NDE1: variants seen among roughly 807,000 people sequenced by gnomAD.
NDE1 encodes the protein nudE neurodevelopment protein 1, also known as nuclear distribution protein nudE homolog 1.
NDE1 carries 28 observed loss-of-function variants against 43.4 expected under a neutral mutation model. The observed-to-expected ratio is 0.65, with a 90% CI of 0.48 to 0.89. The LOEUF (loss-of-function observed/expected upper bound fraction) is 0.89, where lower values mean the gene tolerates loss of function less well. Among genes scored for constraint, NDE1 ranks in the 40% least tolerant of loss-of-function variants. The pLI, the probability that NDE1 is intolerant of heterozygous loss-of-function variation, is 0.00. For missense variants in NDE1, 441 were observed against 434.1 expected, an observed-to-expected ratio of 1.02 and a Z score of -0.14; for synonymous variants, 184 against 172.0, an observed-to-expected ratio of 1.07 and a Z score of -0.55.
chr16:15,721,294 A>G (rs543523834), intron 8 of NDE1: 1 of 1,174,346 alleles, frequency 8.5e-7, no homozygotes, highest in South Asian at 1.3e-5. Context: ...CAGTCCAAAA[A>G]CCTCCTTCCA....
chr16:15,683,092 C>G (rs1344628076), intron 4 of NDE1, among the ~76,000 whole-genome samples: 1 of 152,006 alleles, frequency 6.6e-6, no homozygotes, highest in Non-Finnish European at 1.5e-5. Flanking sequence ...AACAATCTTC[C>G]CATCTCGGCT....
intron 8 of NDE1, chr16:15,719,161 AT>A: frequency 6.6e-7 from 1 of 1,511,202 alleles, no homozygotes; most frequent in Non-Finnish European, 9.2e-7. Flanking sequence ...GGGGTCGAGG[AT>A]GCTGCCTGTC....
intron 4 of NDE1, among the ~76,000 whole-genome samples, chr16:15,683,919 C>T (rs6498569): frequency 0.56 from 85,321 of 151,748 alleles, 24,323 homozygotes; most frequent in Middle Eastern, 0.67. Context: ...CACAACTACT[C>T]GGGAGGTTGA....
At chr16:15,643,601 C>T (rs1251428847) in exon 1 of NDE1, 3 of 291,110 alleles carry the variant, frequency 1.0e-5, no homozygotes, top group South Asian at 2.8e-5. Context: ...GGTCTCGTCA[C>T]GTGATGGTCC....
Position 15,687,362 on chromosome 16 carries a change from T to G in NDE1, c.387-13T>G. The G allele has an allele frequency of 2.5e-6, 4 of 1,614,130 alleles. No individual in the cohort carries two copies. Among genetic ancestry groups the G allele is most frequent in the Non-Finnish European group, 3.4e-6 (4 of 1,179,990 alleles). ...TTTGTCCTCTTGGATAACTCTGCTT[T>G]TCTCTTCGCCAGCGCCACGATCATG... On this transcript the variant is annotated splice_polypyrimidine_tract_variant and intron_variant, in intron 4 of 8. Transcript: ENST00000396354.
intron 7 of NDE1, 23 bp downstream of exon 7, chr16:15,694,279 T>C: frequency 6.2e-7 from 1 of 1,609,986 alleles, no homozygotes; most frequent in Non-Finnish European, 8.5e-7. Flanking sequence ...TTTCCTGGCG[T>C]TTGGTGCCTT....
chr16:15,698,863 GAA>G (rs113554590), intron 8 of NDE1, among the ~76,000 whole-genome samples: 1 of 139,334 alleles, frequency 7.2e-6, no homozygotes, highest in Non-Finnish European at 1.5e-5. Flanking sequence ...TCTTTCTCAA[GAA>G]AAAAAAAAAA....
chr16:15,679,696 G>T (rs1159090719), intron 4 of NDE1, among the ~76,000 whole-genome samples: 1 of 152,066 alleles, frequency 6.6e-6, no homozygotes, highest in South Asian at 2.1e-4. Context: ...TATACTCCAC[G>T]CATTCAATAA....
rs776616869 is a variant in NDE1, at chr16:15,664,825, A to C, written c.47A>C (p.Asn16Thr). Reference protein sequence around the residue: ...KTFSSEEEEANYWKDLAMTYK... With the variant: ...KTFSSEEEEATYWKDLAMTYK... The stretch of plus-strand genomic sequence containing the variant: ...TTCAGCTCCGAGGAGGAAGAAGCTA[A>C]CTATTGGAAAGATCTGGCGATGACC... Residue 16 changes from asparagine to threonine, a missense_variant, in exon 2 of 9, where the codon AAC (asparagine) becomes ACC (threonine). Transcript: ENST00000396354. 6.2e-7 allele frequency: 1 copy of C among 1,613,494 alleles called. No homozygotes were observed. Among genetic ancestry groups the C allele is most frequent in the Admixed American group, 1.7e-5 (1 of 59,974 alleles).
intron 8 of NDE1, chr16:15,701,485 C>T (rs957649800): frequency 6.6e-6 from 1 of 152,156 alleles, no homozygotes; most frequent in Non-Finnish European, 1.5e-5. Context: ...GTAATGCAGC[C>T]ACTAAGAACA....
chr16:15,679,914 G>C (rs1372725598), intron 4 of NDE1, among the ~76,000 whole-genome samples: 4 of 152,156 alleles, frequency 2.6e-5, no homozygotes, highest in African/African-American at 9.7e-5. Flanking sequence ...GAGTAGCTGG[G>C]ATTACAGGTG....
At chr16:15,704,724 G>A (rs562472721) in intron 8 of NDE1, among the ~76,000 whole-genome samples, 1 of 152,348 alleles carries the variant, frequency 6.6e-6, no homozygotes, top group Admixed American at 6.5e-5. Context: ...CATGGACTGA[G>A]TTTTCCCCAC....
chr16:15,659,034 G>C (rs2036910338), intron 1 of NDE1, among the ~76,000 whole-genome samples: 1 of 152,162 alleles, frequency 6.6e-6, no homozygotes, highest in Non-Finnish European at 1.5e-5. Flanking sequence ...GAGTGGGTCG[G>C]GAAATAGCAT....
intron 3 of NDE1, among the ~76,000 whole-genome samples, chr16:15,674,958 G>T (rs1384051258): frequency 6.6e-6 from 1 of 152,138 alleles, no homozygotes; most frequent in Non-Finnish European, 1.5e-5. Context: ...GTGAAAGCAG[G>T]CTTGCGTTGC....
intron 1 of NDE1, among the ~76,000 whole-genome samples, chr16:15,644,928 T>TC (rs1162195354): frequency 6.6e-6 from 1 of 151,346 alleles, no homozygotes; most frequent in African/African-American, 2.4e-5. Context: ...CTTTTTTTTT[T>TC]TTTTTTTTTG....
In NDE1 at chr16:15,721,464, T is replaced by C. The variant is rs771367057; in HGVS notation, c.948-2727T>C. The C allele has an allele frequency of 1.7e-5, 27 of 1,614,048 alleles. No homozygotes were observed. Among genetic ancestry groups the C allele is most frequent in the Non-Finnish European group, 2.2e-5 (26 of 1,180,048 alleles). Reference sequence around the variant, plus strand: ...CCTTGGAGCTGACCAGGTCTTCCATTTCGGCTTTGAGCATTTTGTTGGTCC... The same window carrying C: ...CCTTGGAGCTGACCAGGTCTTCCATCTCGGCTTTGAGCATTTTGTTGGTCC... On this transcript the variant is annotated intron_variant, in intron 8 of 8. Transcript: ENST00000396354.
chr16:15,725,878 C>A lies in NDE1; in HGVS notation c.*1627C>A. ...GCTTCACATTGCCCAGAGTAAGGATCAACATACATGTAATAGGTTCTCAAA... is the reference window on the plus strand; with the variant it reads ...GCTTCACATTGCCCAGAGTAAGGATAAACATACATGTAATAGGTTCTCAAA... On this transcript the variant is annotated 3_prime_UTR_variant, in exon 9 of 9. Transcript: ENST00000396354. 2.5e-6 allele frequency: 1 copy of A among 393,300 alleles called. No individual in the cohort carries two copies. The highest frequency in any genetic ancestry group is 3.6e-5 in the East Asian group (1 of 27,748). The allele number at this position is 393,300 out of a possible 1,614,324, so 24.4% of individuals were successfully genotyped here.
At chr16:15,652,752 C>T (rs2036567100) in intron 1 of NDE1, among the ~76,000 whole-genome samples, 1 of 152,128 alleles carries the variant, frequency 6.6e-6, no homozygotes, top group African/African-American at 2.4e-5. Context: ...CAGTCTCGAC[C>T]TCTCAGGCTC....
intron 8 of NDE1, among the ~76,000 whole-genome samples, chr16:15,698,944 G>C (rs1245258887): frequency 6.6e-6 from 1 of 152,034 alleles, no homozygotes; most frequent in Non-Finnish European, 1.5e-5. Flanking sequence ...GAGTGCAGTG[G>C]TGCGACCATA....
Sources: allele counts gnomAD v4.1 joint callset (sites outside exome capture counted in the v4.1 genomes callset), GRCh38; gene constraint gnomAD v4.1.1; transcripts MANE v1.5; gene names NCBI Gene and HGNC (gene_info 2026-07-23, HGNC 2026-07-21).